Variants in NFIL3 observed in about 807,000 individuals in gnomAD.
The protein encoded by NFIL3 is nuclear factor, interleukin 3 regulated.
Under a neutral mutation model 10.0 loss-of-function variants are expected in NFIL3, and 5 were observed. The observed-to-expected ratio is 0.50, with a 90% CI of 0.26 to 1.06. The LOEUF (loss-of-function observed/expected upper bound fraction) is 1.06. NFIL3 is among the 50% of genes least tolerant of loss of function. NFIL3 has a pLI of 0.13. For missense variants in NFIL3, 436 were observed against 547.6 expected (o/e 0.80, Z 2.03); for synonymous variants, 202 against 206.5 (o/e 0.98, Z 0.19).
chr9:91,476,662 C>A, the NFIL3 span, among the ~76,000 whole-genome samples: 2 of 151,924 alleles, frequency 1.3e-5, no homozygotes, highest in Non-Finnish European at 2.9e-5. Flanking sequence ...TCACTACATT[C>A]ACAAATTAAA....
the NFIL3 span, among the ~76,000 whole-genome samples, chr9:91,472,869 G>T: frequency 6.6e-6 from 1 of 152,204 alleles, no homozygotes; most frequent in Admixed American, 6.5e-5. Flanking sequence ...TGATGATGGT[G>T]ACGTACAGAT....
chr9:91,427,403 G>A (rs973859620), upstream of NFIL3, among the ~76,000 whole-genome samples: 2 of 152,152 alleles, frequency 1.3e-5, no homozygotes, highest in Non-Finnish European at 2.9e-5. Context: ...TCTGTTTTGT[G>A]CATTGGACTT....
At chr9:91,441,878 G>A in the NFIL3 span, among the ~76,000 whole-genome samples, 105 of 151,936 alleles carry the variant, frequency 6.9e-4, no homozygotes, top group African/African-American at 2.5e-3. Context: ...CGTTATTTTT[G>A]ACTGTTTTGA....
At chr9:91,472,648 A>G in the NFIL3 span, among the ~76,000 whole-genome samples, 1 of 152,128 alleles carries the variant, frequency 6.6e-6, no homozygotes, top group African/African-American at 2.4e-5. Context: ...GATGGGTTCA[A>G]ACATCCTCCT....
chr9:91,480,736 A>T, the NFIL3 span, among the ~76,000 whole-genome samples: 4 of 152,364 alleles, frequency 2.6e-5, no homozygotes, highest in African/African-American at 9.6e-5. Context: ...CTCATAAATT[A>T]AGTCAAAATG....
the NFIL3 span, among the ~76,000 whole-genome samples, chr9:91,448,651 A>C: frequency 6.6e-6 from 1 of 152,198 alleles, no homozygotes; most frequent in African/African-American, 2.4e-5. Context: ...CTTGGTAGTA[A>C]GTTTTAAAAC....
At chr9:91,456,945 A>G in the NFIL3 span, among the ~76,000 whole-genome samples, 1 of 151,982 alleles carries the variant, frequency 6.6e-6, no homozygotes, top group African/African-American at 2.4e-5. Flanking sequence ...TTGTTTGCAT[A>G]TGGATATCCA....
chr9:91,454,867 A>G, the NFIL3 span, among the ~76,000 whole-genome samples: 1 of 152,202 alleles, frequency 6.6e-6, no homozygotes, highest in Non-Finnish European at 1.5e-5. Context: ...CTCTCATAAG[A>G]AACTTTAGAA....
chr9:91,423,547 A>C (rs1288561714), intron 1 of NFIL3, 93 bp downstream of exon 1: 2 of 149,702 alleles, frequency 1.3e-5, no homozygotes, highest in Non-Finnish European at 3.0e-5. Flanking sequence ...CCCCGCACAC[A>C]GCGCGGCCCG....
chr9:91,431,425 C>T, the NFIL3 span, among the ~76,000 whole-genome samples: 1 of 152,140 alleles, frequency 6.6e-6, no homozygotes, highest in Non-Finnish European at 1.5e-5. Flanking sequence ...ACTGCTCAAA[C>T]ACCACAGCAT....
the NFIL3 span, among the ~76,000 whole-genome samples, chr9:91,434,774 G>A: frequency 0.013 from 2,025 of 152,170 alleles, 47 homozygotes; most frequent in East Asian, 0.076. Flanking sequence ...AAAATCAAGT[G>A]CACCTAGACT....
chr9:91,418,679 G>C (rs1833703171), intron 1 of NFIL3, among the ~76,000 whole-genome samples: 1 of 152,100 alleles, frequency 6.6e-6, no homozygotes, highest in African/African-American at 2.4e-5. Context: ...ATTAATAAAA[G>C]ACATCATGTT....
chr9:91,433,597 G>T, the NFIL3 span, among the ~76,000 whole-genome samples: 1 of 152,158 alleles, frequency 6.6e-6, no homozygotes, highest in African/African-American at 2.4e-5. Context: ...CATGATGCTA[G>T]AACTATAGCA....
chr9:91,436,907 C>A, the NFIL3 span, among the ~76,000 whole-genome samples: 1 of 152,160 alleles, frequency 6.6e-6, no homozygotes, highest in Non-Finnish European at 1.5e-5. Flanking sequence ...CAGCAGGGAC[C>A]GGTTTCGTGG....
At chr9:91,474,465 G>T in the NFIL3 span, among the ~76,000 whole-genome samples, 3 of 152,130 alleles carry the variant, frequency 2.0e-5, no homozygotes, top group Non-Finnish European at 4.4e-5. Context: ...TTCTGTTCCA[G>T]TATGTGGTGA....
chr9:91,422,883 G>C (rs531270596), intron 1 of NFIL3, among the ~76,000 whole-genome samples: 57 of 152,308 alleles, frequency 3.7e-4, no homozygotes, highest in Middle Eastern at 3.4e-3. Context: ...TAATATAGAC[G>C]TAAATAACGA....
chr9:91,433,155 A>G, the NFIL3 span, among the ~76,000 whole-genome samples: 15 of 152,254 alleles, frequency 9.9e-5, no homozygotes, highest in Admixed American at 9.8e-4. Flanking sequence ...GCTTATGCAA[A>G]AATAGAAGAA....
the NFIL3 span, among the ~76,000 whole-genome samples, chr9:91,469,698 A>G: frequency 1.3e-5 from 2 of 152,210 alleles, no homozygotes; most frequent in Non-Finnish European, 2.9e-5. Context: ...ATTTTGAGAT[A>G]CATCCCATCA....
chr9:91,410,666 G>T lies in NFIL3; in HGVS notation c.69C>A (p.Asp23Glu). The change falls in exon 2 of 2, where the codon GAC becomes GAA. Residue 23 changes from aspartate (D) to glutamate (E), a missense_variant. Coordinates refer to ENST00000297689, the MANE Select transcript of NFIL3 (RefSeq NM_005384.3). The surrounding 1 kb of genome is among the most constrained non-coding windows in gnomAD (Gnocchi z 5.7). The part of the protein sequence containing the change: ...QASLDASSNV[D>E]KMMVLNSALT... ...AAGCAGAATTAAGGACCATCATCTTGTCCACATTGCTACTGGCATCAAGAG... is the reference window on the plus strand; with the variant it reads ...AAGCAGAATTAAGGACCATCATCTTTTCCACATTGCTACTGGCATCAAGAG... 6.2e-7 allele frequency: 1 copy of T among 1,613,434 alleles called. No individual in the cohort carries two copies. The highest frequency in any genetic ancestry group is 8.5e-7 in the Non-Finnish European group (1 of 1,179,866).
Sources: allele counts gnomAD v4.1 joint callset (sites outside exome capture counted in the v4.1 genomes callset), GRCh38; gene constraint gnomAD v4.1.1; non-coding constraint Gnocchi (gnomAD v3.1); transcripts MANE v1.5; gene names NCBI Gene and HGNC (gene_info 2026-07-23, HGNC 2026-07-21).